ABCA12: variants seen among roughly 807,000 people sequenced by gnomAD.
ABCA12 encodes the protein ATP binding cassette subfamily A member 12.
Under a neutral mutation model 293.5 loss-of-function variants are expected in ABCA12, and 156 were observed. That is an observed-to-expected ratio of 0.53 (90% CI 0.47 to 0.61). The LOEUF is 0.61. ABCA12 is among the 20% of genes least tolerant of loss of function. The probability of loss-of-function intolerance (pLI) is 0.00; values close to 1 mark genes in which losing one functional copy is unlikely to be tolerated. For missense variants in ABCA12, 2,797 were observed against 3,090.2 expected, an observed-to-expected ratio of 0.91 and a Z score of 2.25; for synonymous variants, 1,063 against 1,108.0, an observed-to-expected ratio of 0.96 and a Z score of 0.81.
intron 44 of ABCA12, among the ~76,000 whole-genome samples, chr2:214,951,730 C>G (rs1168856303): frequency 6.6e-6 from 1 of 152,158 alleles, no homozygotes; most frequent in African/African-American, 2.4e-5. Flanking sequence ...GCACTCCAGC[C>G]TGGGCGACAG....
chr2:215,011,098 G>T (rs1423815227), intron 17 of ABCA12, among the ~76,000 whole-genome samples: 1 of 152,128 alleles, frequency 6.6e-6, no homozygotes, highest in East Asian at 1.9e-4. Flanking sequence ...TTTTTATATT[G>T]TCTAGAAGGC....
At chr2:215,100,012 CTCTCT>C (rs963653333) in intron 2 of ABCA12, among the ~76,000 whole-genome samples, 11 of 141,858 alleles carry the variant, frequency 7.8e-5, no homozygotes, top group East Asian at 2.2e-4. Context: ...CTCTCTCTCT[CTCTCT>C]TTTTTTTTTT....
At chr2:215,133,573 A>C (rs1259868179) in intron 1 of ABCA12, among the ~76,000 whole-genome samples, 1 of 152,052 alleles carries the variant, frequency 6.6e-6, no homozygotes, top group Non-Finnish European at 1.5e-5. Flanking sequence ...CCTATTGCTA[A>C]CCATCTCTGC....
chr2:215,010,138 C>T (rs1251146401), intron 18 of ABCA12, among the ~76,000 whole-genome samples, 193 bp downstream of exon 18: 1 of 152,016 alleles, frequency 6.6e-6, no homozygotes, highest in Non-Finnish European at 1.5e-5. Context: ...CAAAGGGCTC[C>T]CACCCAATCT....
chr2:214,997,252 T>C (rs933705298), intron 23 of ABCA12, among the ~76,000 whole-genome samples: 1 of 152,206 alleles, frequency 6.6e-6, no homozygotes, highest in Non-Finnish European at 1.5e-5. Context: ...GAGAATTTTC[T>C]TTGTGAGAGC....
At chr2:215,020,250 T>C (rs1574988928) in intron 11 of ABCA12, among the ~76,000 whole-genome samples, 1 of 149,588 alleles carries the variant, frequency 6.7e-6, no homozygotes, top group South Asian at 2.1e-4. Context: ...GGAGAAGATG[T>C]GGAGAAATTA....
intron 41 of ABCA12, among the ~76,000 whole-genome samples, chr2:214,957,995 C>G (rs1699003892): frequency 6.6e-6 from 1 of 152,074 alleles, no homozygotes; most frequent in Admixed American, 6.5e-5. Flanking sequence ...CTCCACGCTC[C>G]CCTCCTAAGA....
chr2:215,049,791 AG>A lies in ABCA12; in HGVS notation c.527del (p.Thr176IlefsTer27). 6.2e-7 allele frequency: 1 copy of A among 1,613,168 alleles called. No individual in the cohort carries two copies. Among genetic ancestry groups the A allele is most frequent in the Non-Finnish European group, 8.5e-7 (1 of 1,179,630 alleles). On this transcript the variant is annotated frameshift_variant, in exon 6 of 53. Transcript: ENST00000272895. LOFTEE classifies it high-confidence loss of function. ...ATAGTTCTCTTCGTATATCTTCTGA[AG>A]TTGAATTTTGCTTTAACAGCTAAAA... is the stretch of plus-strand genomic sequence containing the variant. ...GLEKLLKQNS[T>X]SEDIRRELCD...
intron 18 of ABCA12, among the ~76,000 whole-genome samples, chr2:215,008,916 C>G (rs561600885): frequency 6.6e-6 from 1 of 152,214 alleles, no homozygotes; most frequent in Admixed American, 6.5e-5. Flanking sequence ...GACAGTGTAG[C>G]AATTCCTCAA....
rs1042369360 is a variant in ABCA12, at chr2:215,019,579, A to G, written c.1505T>C (p.Leu502Pro). Residue 502 changes from leucine to proline, a missense_variant, in exon 12 of 53, where the codon CTG (leucine) becomes CCG (proline). By Grantham distance (98) the Leu-to-Pro change is moderately conservative. This residue lies in a region of ABCA12 where 656 missense variants were observed against 638.2 expected (regional missense o/e 1.03). Transcript: ENST00000272895. ...ATTAATTTTGCTTGGATCTCCAGTC[A>G]GCAAATCTCTCACTTTTTTAGATAT... Reference protein sequence around the residue: ...NVISKKVRDLLTGDPSKINLN... With the variant: ...NVISKKVRDLPTGDPSKINLN... The G allele has an allele frequency of 1.2e-6, 2 of 1,614,232 alleles. No homozygotes were observed. The highest frequency in any genetic ancestry group is 3.3e-5 in the Admixed American group (2 of 60,022).
Position 215,138,261 on chromosome 2 carries a change from T to A in ABCA12, c.-53A>T. ...CCTCTTCTTTTCTCCACTCCACAAA[T>A]GAAGAACTGATGCCCCGTCCAACTT... On this transcript the variant is annotated 5_prime_UTR_variant, in exon 1 of 53. Transcript: ENST00000272895. 3.2e-6 allele frequency: 5 copies of A among 1,584,332 alleles called. No individual in the cohort carries two copies. The highest frequency in any genetic ancestry group is 4.3e-6 in the Non-Finnish European group (5 of 1,152,996).
intron 44 of ABCA12, among the ~76,000 whole-genome samples, 163 bp downstream of exon 44, chr2:214,953,691 C>T (rs1698850791): frequency 6.6e-6 from 1 of 152,152 alleles, no homozygotes. Flanking sequence ...TAACTACTTA[C>T]TAGAATAAAA....
At chr2:215,021,387 G>A (rs1023375587) in intron 11 of ABCA12, among the ~76,000 whole-genome samples, 4 of 152,124 alleles carry the variant, frequency 2.6e-5, no homozygotes, top group Admixed American at 6.5e-5. Flanking sequence ...TCCCACACCC[G>A]GAGGAAAAAG....
intron 39 of ABCA12, among the ~76,000 whole-genome samples, chr2:214,964,158 A>G (rs983836778): frequency 3.9e-5 from 6 of 152,198 alleles, no homozygotes; most frequent in Middle Eastern, 3.2e-3. Flanking sequence ...ATAGACGCGG[A>G]TAAGGCATTT....
intron 3 of ABCA12, among the ~76,000 whole-genome samples, chr2:215,063,482 G>A (rs1701576384): frequency 6.6e-6 from 1 of 151,944 alleles, no homozygotes; most frequent in South Asian, 2.1e-4. Flanking sequence ...TAAATGGTCA[G>A]GTTGTTAATG....
At chr2:215,016,616 A>AAAAAAAAAT (rs1700512526) in intron 14 of ABCA12, among the ~76,000 whole-genome samples, 1 of 134,380 alleles carries the variant, frequency 7.4e-6, no homozygotes, top group Non-Finnish European at 1.6e-5. Context: ...AAAAAAAAAG[A>AAAAAAAAAT]CTTTGCTCCC....
At chr2:215,100,739 T>G (rs933384658) in intron 2 of ABCA12, among the ~76,000 whole-genome samples, 5 of 152,204 alleles carry the variant, frequency 3.3e-5, no homozygotes, top group Non-Finnish European at 4.4e-5. Flanking sequence ...AGGCACATCC[T>G]TGTAGAATAT....
intron 15 of ABCA12, among the ~76,000 whole-genome samples, chr2:215,014,576 G>A (rs944578032): frequency 1.2e-4 from 19 of 152,308 alleles, no homozygotes; most frequent in Admixed American, 5.9e-4. Context: ...GATATAATGA[G>A]ACTTTAAGTT....
In ABCA12 at chr2:215,130,557, T is replaced by C. The variant is rs917840605; in HGVS notation, c.69+7583A>G. On this transcript the variant is annotated intron_variant, in intron 1 of 52. Transcript: ENST00000272895. ...ATTGTTGGTGTATGAAAAATGCTAC[T>C]GATTTGAGTATGTTGATTTTGTATC... Among the ~76,000 whole-genome samples the C allele has an allele frequency of 1.3e-4, 20 of 152,256 alleles. No homozygotes were observed. The South Asian group carries it at 2.1e-3, about 16-fold the overall frequency.
Sources: allele counts gnomAD v4.1 joint callset (sites outside exome capture counted in the v4.1 genomes callset), GRCh38; gene constraint gnomAD v4.1.1; regional missense constraint gnomAD v4.1.1; transcripts MANE v1.5; gene names NCBI Gene and HGNC (gene_info 2026-07-23, HGNC 2026-07-21).